ITSN1: variants seen among roughly 807,000 people sequenced by gnomAD.
ITSN1 encodes intersectin 1.
Under a neutral mutation model 239.8 loss-of-function variants are expected in ITSN1, and 58 were observed. That is an observed-to-expected ratio of 0.24 (90% confidence interval 0.20 to 0.30). The LOEUF (loss-of-function observed/expected upper bound fraction) is 0.30. ITSN1 is among the 10% of genes least tolerant of loss of function. ITSN1 has a pLI of 1.00. For synonymous variants in ITSN1, 780 were observed against 770.8 expected (o/e 1.01, Z -0.20); for missense variants, 1,558 against 2,103.3 (o/e 0.74, Z 5.07).
chr21:33,693,424 T>G (rs1430798527), intron 1 of ITSN1, among the ~76,000 whole-genome samples: 1 of 151,516 alleles, frequency 6.6e-6, no homozygotes, highest in Non-Finnish European at 1.5e-5. Flanking sequence ...TGGTGTGATC[T>G]CGGCTCACTG....
chr21:33,729,818 A>T (rs1017229375), intron 4 of ITSN1, among the ~76,000 whole-genome samples: 1 of 152,166 alleles, frequency 6.6e-6, no homozygotes, highest in Non-Finnish European at 1.5e-5. Context: ...GAGGTGTTTG[A>T]CCTTTTATTT....
At chr21:33,864,383 T>G (rs569950953) in intron 31 of ITSN1, among the ~76,000 whole-genome samples, 1 of 152,184 alleles carries the variant, frequency 6.6e-6, no homozygotes, top group African/African-American at 2.4e-5. Flanking sequence ...TTCTTCCAGA[T>G]GCTGGTGTTA....
At chr21:33,885,686 G>T (rs1305668869) in intron 38 of ITSN1, among the ~76,000 whole-genome samples, 164 bp downstream of exon 38, 2 of 151,330 alleles carry the variant, frequency 1.3e-5, no homozygotes, top group African/African-American at 4.9e-5. Flanking sequence ...GAGGTTTTGT[G>T]TTTTTTTTTC....
intron 7 of ITSN1, among the ~76,000 whole-genome samples, chr21:33,752,602 T>C (rs1052711178): frequency 1.3e-5 from 2 of 152,196 alleles, no homozygotes; most frequent in Non-Finnish European, 2.9e-5. Flanking sequence ...TCAGAACTTT[T>C]GGGCCGGGTG....
chr21:33,706,163 G>T (rs1200804774), intron 1 of ITSN1, among the ~76,000 whole-genome samples: 1 of 152,166 alleles, frequency 6.6e-6, no homozygotes, highest in East Asian at 1.9e-4. Flanking sequence ...GGGATTACAG[G>T]CATGTGCCAC....
At chr21:33,837,299 A>G in intron 29 of ITSN1, 2 of 1,179,656 alleles carry the variant, frequency 1.7e-6, no homozygotes, top group Non-Finnish European at 2.1e-6. Flanking sequence ...ACCTTTGCAC[A>G]GGTGCTTTCA....
At chr21:33,884,448 G>A (rs182210882) in intron 36 of ITSN1, among the ~76,000 whole-genome samples, 1 of 152,270 alleles carries the variant, frequency 6.6e-6, no homozygotes, top group East Asian at 1.9e-4. Context: ...CTGCCCTGGA[G>A]CCAAATGAAA....
chr21:33,846,594 C>T (rs1260702593), intron 29 of ITSN1, among the ~76,000 whole-genome samples: 5 of 152,228 alleles, frequency 3.3e-5, no homozygotes, highest in African/African-American at 7.2e-5. Flanking sequence ...ACCTCCCACA[C>T]GTGCATATCC....
chr21:33,784,467 C>T (rs926900738), intron 16 of ITSN1, among the ~76,000 whole-genome samples: 1 of 152,128 alleles, frequency 6.6e-6, no homozygotes, highest in Non-Finnish European at 1.5e-5. Context: ...TGTGTCACTG[C>T]ACTCCTGCCT....
intron 4 of ITSN1, among the ~76,000 whole-genome samples, chr21:33,724,030 C>G (rs1200299624): frequency 1.3e-5 from 2 of 152,052 alleles, no homozygotes; most frequent in African/African-American, 4.8e-5. Context: ...GATGAAATGT[C>G]ATCATTATGA....
chr21:33,748,657 TAGTA>T (rs1344584416), intron 5 of ITSN1, among the ~76,000 whole-genome samples: 1 of 150,170 alleles, frequency 6.7e-6, no homozygotes. Flanking sequence ...TCAGGCAACA[TAGTA>T]AGACCTCATC....
chr21:33,730,639 A>T (rs183047448), intron 4 of ITSN1, among the ~76,000 whole-genome samples: 1 of 151,102 alleles, frequency 6.6e-6, no homozygotes, highest in East Asian at 2.0e-4. Flanking sequence ...TGACCTCATG[A>T]TCCACCCTTC....
chr21:33,730,314 C>T (rs535513915), intron 4 of ITSN1, among the ~76,000 whole-genome samples: 4 of 149,518 alleles, frequency 2.7e-5, no homozygotes, highest in East Asian at 3.9e-4. Context: ...ATGTATATAA[C>T]GTGTATGTAT....
intron 29 of ITSN1, among the ~76,000 whole-genome samples, chr21:33,856,255 G>A (rs2282468): frequency 0.21 from 32,459 of 152,196 alleles, 3,894 homozygotes; most frequent in East Asian, 0.4. Flanking sequence ...TGTGCCGCCT[G>A]TATCAGTTTC....
At chr21:33,821,934 G>A (rs2073700585) in intron 24 of ITSN1, among the ~76,000 whole-genome samples, 1 of 152,206 alleles carries the variant, frequency 6.6e-6, no homozygotes, top group Non-Finnish European at 1.5e-5. Flanking sequence ...AAATGAGTCT[G>A]TTAATGAAGA....
chr21:33,725,440 A>T (rs556731756), intron 4 of ITSN1, among the ~76,000 whole-genome samples: 11 of 151,844 alleles, frequency 7.2e-5, no homozygotes, highest in South Asian at 6.2e-4. Flanking sequence ...GGCCAAAAAA[A>T]TTTTTTTTAA....
chr21:33,799,935 A>G lies in ITSN1; in HGVS notation c.2304+6A>G, dbSNP rs777698938. The G allele has an allele frequency of 6.2e-7, 1 of 1,612,842 alleles. No individual in the cohort carries two copies. Among genetic ancestry groups the G allele is most frequent in the Non-Finnish European group, 8.5e-7 (1 of 1,179,546 alleles). On this transcript the variant is annotated splice_donor_region_variant and intron_variant, in intron 19 of 39. Coordinates refer to ENST00000381318, the MANE Select transcript of ITSN1 (RefSeq NM_003024.3). ...AGCCAGGAGACATAGTCATGGTAAG[A>G]AAGACTCCAGTGAGAGGGTCATTTC...
At chr21:33,770,588 A>G (rs1333632238) in intron 11 of ITSN1, among the ~76,000 whole-genome samples, 1 of 152,126 alleles carries the variant, frequency 6.6e-6, no homozygotes, top group Non-Finnish European at 1.5e-5. Context: ...GCCCCTGGCA[A>G]CCACCAATCT....
At chr21:33,717,200 T>A (rs1276953476) in intron 1 of ITSN1, among the ~76,000 whole-genome samples, 4 of 151,662 alleles carry the variant, frequency 2.6e-5, no homozygotes, top group Non-Finnish European at 2.9e-5. Flanking sequence ...TTTTTTTTTT[T>A]AATTTTTGTT....
Sources: allele counts gnomAD v4.1 joint callset (sites outside exome capture counted in the v4.1 genomes callset), GRCh38; gene constraint gnomAD v4.1.1; transcripts MANE v1.5; gene names NCBI Gene and HGNC (gene_info 2026-07-23, HGNC 2026-07-21).